LRP5: variants seen among roughly 807,000 people sequenced by gnomAD.
LRP5 encodes LDL receptor related protein 5.
In LRP5, 62 loss-of-function variants were observed where a neutral mutation model predicts 154.1. The ratio of observed to expected loss-of-function variants is 0.40; its 90% CI spans 0.33 to 0.50. The LOEUF (loss-of-function observed/expected upper bound fraction) is 0.50. Among genes scored for constraint, LRP5 ranks in the 20% least tolerant of loss-of-function variants. The pLI, the probability that LRP5 is intolerant of heterozygous loss-of-function variation, is 0.55. For missense variants in LRP5, 1,915 were observed against 2,336.7 expected (o/e 0.82, Z 3.72); for synonymous variants, 966 against 1,011.5 (o/e 0.96, Z 0.85).
chr11:68,388,678 G>C (rs2098644371), intron 6 of LRP5, among the ~76,000 whole-genome samples: 1 of 152,110 alleles, frequency 6.6e-6, no homozygotes, highest in African/African-American at 2.4e-5. Context: ...CTCCCTCTAG[G>C]TGCTCAGCTC....
intron 2 of LRP5, among the ~76,000 whole-genome samples, chr11:68,354,716 C>A (rs901949191): frequency 3.8e-4 from 58 of 152,356 alleles, no homozygotes; most frequent in African/African-American, 1.3e-3. Context: ...CAGCAGACAC[C>A]AAGTGTGTTC....
chr11:68,405,773 G>C (rs1009505322), intron 8 of LRP5, among the ~76,000 whole-genome samples: 7 of 152,218 alleles, frequency 4.6e-5, no homozygotes, highest in African/African-American at 1.7e-4. Flanking sequence ...ATAAACGAAC[G>C]GTCTGTACTA....
intron 1 of LRP5, among the ~76,000 whole-genome samples, chr11:68,326,411 C>T (rs1423776759): frequency 6.6e-6 from 1 of 152,242 alleles, no homozygotes; most frequent in Admixed American, 6.5e-5. Context: ...TGGCCCCCTG[C>T]ATCAGCGCCT....
intron 1 of LRP5, among the ~76,000 whole-genome samples, chr11:68,320,855 T>C (rs1272152935): frequency 6.6e-6 from 1 of 152,188 alleles, no homozygotes; most frequent in East Asian, 1.9e-4. Context: ...TGCTGGTCTG[T>C]AGCTAGTCCT....
chr11:68,354,600 G>C (rs1045548231), intron 2 of LRP5, among the ~76,000 whole-genome samples: 1 of 152,226 alleles, frequency 6.6e-6, no homozygotes, highest in Non-Finnish European at 1.5e-5. Context: ...AGCCTTCCCT[G>C]GGCTGGCTGC....
intron 1 of LRP5, among the ~76,000 whole-genome samples, chr11:68,325,079 G>A (rs1228081406): frequency 6.6e-6 from 1 of 152,302 alleles, no homozygotes; most frequent in South Asian, 2.1e-4. Flanking sequence ...AGCCCAGAGC[G>A]GGATACCACC....
rs1246152973 is a variant in LRP5, at chr11:68,361,844, C to T, written c.687-1903C>T. On this transcript the variant is annotated intron_variant, in intron 3 of 22. Coordinates refer to ENST00000294304, the MANE Select transcript of LRP5 (RefSeq NM_002335.4). ...CTCAGAAAACAAACAAAAAAGACAACATTGTGGAAAACAGTTTGTTGATTC... is the reference window on the plus strand; with the variant it reads ...CTCAGAAAACAAACAAAAAAGACAATATTGTGGAAAACAGTTTGTTGATTC... Among the ~76,000 whole-genome samples, 5 of 152,258 alleles carry T rather than the reference C, an allele frequency of 3.3e-5. No individual in the cohort carries two copies. The East Asian group carries it at 9.6e-4, about 29-fold the overall frequency.
At chr11:68,424,647 C>G (rs1408153120) in intron 14 of LRP5, among the ~76,000 whole-genome samples, 2 of 152,184 alleles carry the variant, frequency 1.3e-5, no homozygotes, top group Non-Finnish European at 2.9e-5. Flanking sequence ...TCTCACAGTT[C>G]CTGAGGGCTG....
At chr11:68,304,988 G>A in the LRP5 span, among the ~76,000 whole-genome samples, 1 of 152,280 alleles carries the variant, frequency 6.6e-6, no homozygotes, top group Non-Finnish European at 1.5e-5. Flanking sequence ...GCTGGGATGA[G>A]TTAAGACTTT....
intron 1 of LRP5, among the ~76,000 whole-genome samples, chr11:68,341,540 G>A (rs2098609125): frequency 6.6e-6 from 1 of 152,118 alleles, no homozygotes; most frequent in Non-Finnish European, 1.5e-5. Flanking sequence ...GTATCTGGGG[G>A]CTGTGTAGCT....
chr11:68,423,626 G>A lies in LRP5; in HGVS notation c.3165G>A (p.Gly1055=). 6.2e-7 allele frequency: 1 copy of A among 1,614,218 alleles called. No individual in the cohort carries two copies. The highest frequency in any genetic ancestry group is 8.5e-7 in the Non-Finnish European group (1 of 1,180,036). The part of the protein sequence containing the change: ...TNTINVHRLS[G]EAMGVVLRGD... The stretch of plus-strand genomic sequence containing the variant: ...CCATCAACGTCCACAGGCTGAGCGG[G>A]GAAGCCATGGGGGTGGTGCTGCGTG... The change falls in exon 14 of 23, where the codon GGG becomes GGA. Residue 1055 remains glycine, a synonymous_variant. Transcript: ENST00000294304. The surrounding 1 kb of genome is among the most constrained non-coding windows in gnomAD (Gnocchi z 4.7).
chr11:68,438,402 G>A lies in LRP5; in HGVS notation c.4112-44G>A, dbSNP rs597782. ...TCTGCCCCCAAGGAGGGCCCATTCCGTTGGGGTTAATGTTGGCCACCTCTT... is the reference window on the plus strand; with the variant it reads ...TCTGCCCCCAAGGAGGGCCCATTCCATTGGGGTTAATGTTGGCCACCTCTT... On this transcript the variant is annotated intron_variant, in intron 19 of 22. Coordinates refer to ENST00000294304, the MANE Select transcript of LRP5 (RefSeq NM_002335.4). 2.3e-3 allele frequency: 3,577 copies of A among 1,557,518 alleles called. 79 individuals are homozygous for A. The African/African-American group carries it at 0.043, about 19-fold the overall frequency.
intron 3 of LRP5, among the ~76,000 whole-genome samples, chr11:68,362,723 G>C (rs1027952413): frequency 2.0e-5 from 3 of 151,396 alleles, no homozygotes; most frequent in African/African-American, 7.3e-5. Flanking sequence ...CGTATGTCCT[G>C]TGAATTTTAC....
chr11:68,412,025 C>T (rs1165901816), intron 11 of LRP5, among the ~76,000 whole-genome samples: 1 of 152,174 alleles, frequency 6.6e-6, no homozygotes, highest in Non-Finnish European at 1.5e-5. Flanking sequence ...CCAGGGCCAG[C>T]ACTCGATCCC....
intron 1 of LRP5, among the ~76,000 whole-genome samples, chr11:68,344,344 A>C (rs1266378389): frequency 1.3e-5 from 2 of 151,914 alleles, no homozygotes; most frequent in Non-Finnish European, 2.9e-5. Flanking sequence ...TTTGAGATGG[A>C]GTCTCGCTCT....
At chr11:68,303,124 T>C in the LRP5 span, among the ~76,000 whole-genome samples, 8 of 152,176 alleles carry the variant, frequency 5.3e-5, no homozygotes, top group Non-Finnish European at 1.2e-4. Context: ...ACTTAAGTTA[T>C]TTATGTATTT....
chr11:68,353,712 A>C lies in LRP5; in HGVS notation c.489-3938A>C, dbSNP rs993041319. On this transcript the variant is annotated intron_variant, in intron 2 of 22. Transcript: ENST00000294304. This position sits in a 1 kb window ranked among gnomAD's most constrained non-coding sequence, Gnocchi z 4.5. Reference sequence around the variant, plus strand: ...GTGCCCTCCTGCAGTGCTGTCCCCCACCAGGGTCCTTCCTCAGAGGAGGGG... The same window carrying C: ...GTGCCCTCCTGCAGTGCTGTCCCCCCCCAGGGTCCTTCCTCAGAGGAGGGG... Among the ~76,000 whole-genome samples, 1 of 151,964 alleles carries C rather than the reference A, an allele frequency of 6.6e-6. No individual in the cohort carries two copies. Among genetic ancestry groups the C allele is most frequent in the Non-Finnish European group, 1.5e-5 (1 of 67,964 alleles).
chr11:68,322,270 T>G lies in LRP5; in HGVS notation c.91+9465T>G, dbSNP rs535224401. 5.6e-4 allele frequency among the ~76,000 whole-genome samples: 86 copies of G among 152,324 alleles called. No individual in the cohort carries two copies. In the South Asian group the frequency reaches 0.016, roughly 28 times the overall value. ...TCCTCCACTCAGACTCCCTGGGCTC[T>G]GAGGCTTTACCTACAGGCCCTGCGG... is the stretch of plus-strand genomic sequence containing the variant. On this transcript the variant is annotated intron_variant, in intron 1 of 22. Coordinates refer to ENST00000294304, the MANE Select transcript of LRP5 (RefSeq NM_002335.4).
chr11:68,346,953 G>A (rs937265378), intron 1 of LRP5, among the ~76,000 whole-genome samples: 1 of 152,344 alleles, frequency 6.6e-6, no homozygotes, highest in Non-Finnish European at 1.5e-5. Context: ...CATTGAGCCC[G>A]TTGTGGGAAT....
Sources: allele counts gnomAD v4.1 joint callset (sites outside exome capture counted in the v4.1 genomes callset), GRCh38; gene constraint gnomAD v4.1.1; non-coding constraint Gnocchi (gnomAD v3.1); transcripts MANE v1.5; gene names NCBI Gene and HGNC (gene_info 2026-07-23, HGNC 2026-07-21).